SLC15A1: variants seen among roughly 807,000 people sequenced by gnomAD.
The protein encoded by SLC15A1 is solute carrier family 15 member 1.
A neutral mutation model predicts 92.9 loss-of-function variants in SLC15A1; 83 were observed. The ratio of observed to expected loss-of-function variants is 0.89; its 90% CI spans 0.75 to 1.07. The LOEUF (loss-of-function observed/expected upper bound fraction) is 1.07. Ranked by LOEUF, SLC15A1 falls within the 50% of genes least tolerant of loss-of-function variation. SLC15A1 has a pLI of 0.00. For synonymous variants in SLC15A1, 322 were observed against 318.2 expected, an observed-to-expected ratio of 1.01 and a Z score of -0.13; for missense variants, 857 against 880.1, an observed-to-expected ratio of 0.97 and a Z score of 0.33.
chr13:98,726,501 T>C (rs2088302835), intron 2 of SLC15A1, 52 bp from the exon 3 acceptor site: 1 of 1,533,902 alleles, frequency 6.5e-7, no homozygotes, highest in Non-Finnish European at 9.0e-7. Context: ...CACTGGTCCA[T>C]AGCCACAAAG....
In SLC15A1 at chr13:98,709,772, T is replaced by G. The variant is rs370615945; in HGVS notation, c.948A>C (p.Gly316=). Residue 316 remains glycine, a splice_region_variant and synonymous_variant, in exon 13 of 23, where the codon GGA becomes GGC. Coordinates refer to ENST00000376503, the MANE Select transcript of SLC15A1 (RefSeq NM_005073.4). ...LQATTMSGKI[G]ALEIQPDQMQ... ...TCTGATCGGGCTGAATTTCAAGAGC[T>G]CCCTAAAAAGAGAGGAAAACAATCT... 13 of 1,613,800 alleles carry G rather than the reference T, an allele frequency of 8.1e-6. No homozygotes were observed. The African/African-American group carries it at 1.7e-4, about 22-fold the overall frequency.
At chr13:98,743,892 A>G (rs975075200) in intron 1 of SLC15A1, among the ~76,000 whole-genome samples, 1 of 152,178 alleles carries the variant, frequency 6.6e-6, no homozygotes, top group African/African-American at 2.4e-5. Flanking sequence ...AAGAGGAGAG[A>G]ACACAAAGGG....
intron 10 of SLC15A1, among the ~76,000 whole-genome samples, 161 bp downstream of exon 10, chr13:98,712,337 A>G (rs553621391): frequency 1.3e-5 from 2 of 151,686 alleles, no homozygotes; most frequent in South Asian, 2.1e-4. Context: ...AAGTTCTTTC[A>G]ATTAAAAAAA....
At chr13:98,749,494 G>A (rs1389262648) in intron 1 of SLC15A1, among the ~76,000 whole-genome samples, 1 of 152,164 alleles carries the variant, frequency 6.6e-6, no homozygotes, top group Non-Finnish European at 1.5e-5. Flanking sequence ...GGAGTGAGGT[G>A]GGGTGGGAGG....
intron 14 of SLC15A1, 79 bp from the exon 15 acceptor site, chr13:98,708,846 C>A: frequency 9.9e-7 from 1 of 1,008,872 alleles, no homozygotes; most frequent in Non-Finnish European, 1.4e-6. Flanking sequence ...CCACCATCCC[C>A]CCAACAAAAC....
In SLC15A1 at chr13:98,686,343, C is replaced by T. The variant is rs954660369; in HGVS notation, c.1828-46G>A. 16 of 1,350,278 alleles carry T rather than the reference C, an allele frequency of 1.2e-5. No individual in the cohort carries two copies. In the East Asian group the frequency reaches 1.2e-4, roughly 10 times the overall value. The allele number at this position is 1,350,278 out of a possible 1,614,324, so 83.6% of individuals were successfully genotyped here. ...GAGTCCTGCTCCAGGTCTCACCCTC[C>T]GAGCAGGAGAACACAGCTCACCGAT... On this transcript the variant is annotated intron_variant, in intron 21 of 22. Coordinates refer to ENST00000376503, the MANE Select transcript of SLC15A1 (RefSeq NM_005073.4).
In SLC15A1 at chr13:98,752,577, C is replaced by A; in HGVS notation, c.4+18G>T. 7.9e-7 allele frequency: 1 copy of A among 1,260,348 alleles called. No homozygotes were observed. The highest frequency in any genetic ancestry group is 3.1e-5 in the South Asian group (1 of 32,456). The allele number at this position is 1,260,348 out of a possible 1,614,324, so 78.1% of individuals were successfully genotyped here. A position where few individuals can be genotyped will look rare whatever the true frequency, so the allele number is the denominator to read the frequency against. On this transcript the variant is annotated intron_variant, in intron 1 of 22. Coordinates refer to ENST00000376503, the MANE Select transcript of SLC15A1 (RefSeq NM_005073.4). ...TCCGAGTCTTTAGCCCGGCCGGCCCCCCACCCGCCGAGCGTACCCATGGCG... is the reference window on the plus strand; with the variant it reads ...TCCGAGTCTTTAGCCCGGCCGGCCCACCACCCGCCGAGCGTACCCATGGCG...
intron 4 of SLC15A1, among the ~76,000 whole-genome samples, chr13:98,724,348 T>C (rs1227407513): frequency 1.3e-5 from 2 of 151,898 alleles, no homozygotes; most frequent in Non-Finnish European, 2.9e-5. Context: ...AACAAAAAAA[T>C]AAAAAATTAG....
At chr13:98,724,121 C>G in intron 4 of SLC15A1, 90 bp from the exon 5 acceptor site, 1 of 1,515,914 alleles carries the variant, frequency 6.6e-7, no homozygotes, top group Non-Finnish European at 9.0e-7. Context: ...TCCTTGAAAG[C>G]TTTCAAGAGC....
In SLC15A1 at chr13:98,721,543, T is replaced by C. The variant is rs933591451; in HGVS notation, c.508A>G (p.Ile170Val). The C allele has an allele frequency of 3.1e-6, 5 of 1,610,060 alleles. No homozygotes were observed. Among genetic ancestry groups the C allele is most frequent in the African/African-American group, 2.7e-5 (2 of 74,714 alleles). Residue 170 changes from isoleucine (I) to valine (V), a missense_variant, in exon 7 of 23, where the codon ATT (isoleucine) becomes GTT (valine). Transcript: ENST00000376503. The part of the protein sequence containing the change: ...NRFFSIFYLA[I>V]NAGSLLSTII... ...GTGGAAAGCAAACTTCCAGCATTAA[T>C]AGCCAAGTAAAAGATGGAAAAAAAT...
intron 11 of SLC15A1, 124 bp downstream of exon 11, chr13:98,711,730 A>C: frequency 1.5e-6 from 1 of 646,638 alleles, no homozygotes. Context: ...TAAACAAGTG[A>C]AATATAAATA....
At chr13:98,718,300 CTTTTTTTTTTTTTTTTTTTTTT>C (rs532286337) in intron 8 of SLC15A1, among the ~76,000 whole-genome samples, 4 of 84,124 alleles carry the variant, frequency 4.8e-5, no homozygotes, top group Non-Finnish European at 5.9e-5. Flanking sequence ...TCACCTTCAT[CTTTTTTTTTTTTTTTTTTTTTT>C]TTTTTTTTTT....
chr13:98,712,866 T>A (rs2088176459), intron 9 of SLC15A1, among the ~76,000 whole-genome samples: 2 of 152,154 alleles, frequency 1.3e-5, no homozygotes, highest in South Asian at 4.1e-4. Flanking sequence ...GCAATTTAAG[T>A]TTTCTAGTAG....
chr13:98,705,327 G>A (rs772764104), intron 16 of SLC15A1, among the ~76,000 whole-genome samples: 4 of 152,016 alleles, frequency 2.6e-5, no homozygotes, highest in Middle Eastern at 3.2e-3. Context: ...GGGTGATCTA[G>A]AGCAGGGTTT....
chr13:98,724,243 C>T (rs1359504153), intron 4 of SLC15A1, among the ~76,000 whole-genome samples: 1 of 152,206 alleles, frequency 6.6e-6, no homozygotes, highest in Non-Finnish European at 1.5e-5. Flanking sequence ...GTGGCTCATG[C>T]CTGTAATCCC....
chr13:98,684,733 T>C lies in SLC15A1; in HGVS notation c.2118A>G (p.Lys706=). 6.2e-7 allele frequency: 1 copy of C among 1,614,004 alleles called. No homozygotes were observed. Among genetic ancestry groups the C allele is most frequent in the Non-Finnish European group, 8.5e-7 (1 of 1,179,898 alleles). Residue 706 remains lysine, a synonymous_variant, in exon 23 of 23, where the codon AAA becomes AAG. Transcript: ENST00000376503. ...ACTTGCCTCCTGACCTTCACATCTG[T>C]TTCTGTGAATTGGCCCCTGACATGA... The part of the protein sequence containing the change: ...PYFMSGANSQ[K]QM
chr13:98,709,803 A>G, intron 12 of SLC15A1, 29 bp from the exon 13 acceptor site: 1 of 1,614,176 alleles, frequency 6.2e-7, no homozygotes, highest in South Asian at 1.1e-5. Context: ...AATCTCAGTG[A>G]AAAATGTCAT....
At chr13:98,726,594 C>G in intron 2 of SLC15A1, 145 bp from the exon 3 acceptor site, 1 of 802,394 alleles carries the variant, frequency 1.2e-6, no homozygotes, top group Non-Finnish European at 2.1e-6. Context: ...AGCATTTAAT[C>G]ATTTTATTCC....
chr13:98,732,042 T>C (rs1566456790), intron 1 of SLC15A1, among the ~76,000 whole-genome samples: 1 of 152,254 alleles, frequency 6.6e-6, no homozygotes, highest in Non-Finnish European at 1.5e-5. Context: ...CAGCATTTCT[T>C]ATCTTAATGT....
Sources: allele counts gnomAD v4.1 joint callset (sites outside exome capture counted in the v4.1 genomes callset), GRCh38; gene constraint gnomAD v4.1.1; transcripts MANE v1.5; gene names NCBI Gene and HGNC (gene_info 2026-07-23, HGNC 2026-07-21).